Variants in SRGAP3 observed in about 807,000 individuals in gnomAD.
SRGAP3 encodes the protein SLIT-ROBO Rho GTPase activating protein 3.
Under a neutral mutation model 121.1 loss-of-function variants are expected in SRGAP3, and 39 were observed. The ratio of observed to expected loss-of-function variants is 0.32; its 90% CI spans 0.25 to 0.42. The LOEUF (loss-of-function observed/expected upper bound fraction) is 0.42. SRGAP3 is among the 10% of genes least tolerant of loss of function. SRGAP3 has a pLI of 1.00. For synonymous variants in SRGAP3, 601 were observed against 570.0 expected (o/e 1.05, Z -0.77); for missense variants, 1,213 against 1,470.6 (o/e 0.82, Z 2.86).
At chr3:9,075,393 G>A (rs973963938) in intron 4 of SRGAP3, among the ~76,000 whole-genome samples, 3 of 108,868 alleles carry the variant, frequency 2.8e-5, no homozygotes, top group Admixed American at 9.2e-5. Context: ...GTGTGTGTGC[G>A]CGCGCACATA....
At chr3:9,068,119 C>T (rs953496565) in intron 4 of SRGAP3, among the ~76,000 whole-genome samples, 7 of 152,174 alleles carry the variant, frequency 4.6e-5, no homozygotes, top group African/African-American at 1.7e-4. Flanking sequence ...CCATCCCCGT[C>T]TGCGTTCAAT....
chr3:9,213,018 G>A (rs375128946), intron 1 of SRGAP3, among the ~76,000 whole-genome samples: 2 of 152,262 alleles, frequency 1.3e-5, no homozygotes, highest in East Asian at 1.9e-4. Flanking sequence ...GCTCCATGCC[G>A]GGGCAAATTG....
intron 1 of SRGAP3, among the ~76,000 whole-genome samples, chr3:9,210,238 C>G (rs1466000415): frequency 2.0e-5 from 3 of 152,188 alleles, no homozygotes; most frequent in Non-Finnish European, 2.9e-5. Context: ...GTTAGCTGCA[C>G]AATTCTGAAT....
chr3:8,990,523 C>T lies in SRGAP3; in HGVS notation c.2875G>A (p.Ala959Thr), dbSNP rs760482265. Residue 959 changes from alanine to threonine, a missense_variant, in exon 21 of 22, where the codon GCC becomes ACC. Physicochemically the swap from Ala to Thr is moderately conservative, Grantham distance 58. Transcript: ENST00000383836. ...CCGCTGGCCCTTACTTCTGCCAGGG[C>T]CTCGGCCTCCAGGGACTTGTGGTCC... is the stretch of plus-strand genomic sequence containing the variant. ...LGDHKSLEAE[A>T]LAEDIEKTMS... is the part of the protein sequence containing the mutation. 1.3e-6 allele frequency: 2 copies of T among 1,556,924 alleles called. No individual in the cohort carries two copies. Among genetic ancestry groups the T allele is most frequent in the Non-Finnish European group, 1.7e-6 (2 of 1,150,412 alleles).
chr3:9,330,330 C>G (rs1426668790), intron 2 of SRGAP3, among the ~76,000 whole-genome samples: 4 of 152,132 alleles, frequency 2.6e-5, no homozygotes, highest in Non-Finnish European at 4.4e-5. Context: ...CAGTTAATTC[C>G]CAGATCAAAT....
chr3:9,283,541 T>C (rs1954717736), intron 3 of SRGAP3, among the ~76,000 whole-genome samples: 2 of 152,212 alleles, frequency 1.3e-5, no homozygotes, highest in African/African-American at 4.8e-5. Context: ...GCAGCAGATA[T>C]TCTAATTTTC....
chr3:9,142,993 A>C, intron 1 of SRGAP3, among the ~76,000 whole-genome samples: 1 of 151,198 alleles, frequency 6.6e-6, no homozygotes, highest in East Asian at 1.9e-4. Context: ...ATGCACCACC[A>C]CACCCGGCTA....
rs140209390 is a variant in SRGAP3, at chr3:9,021,246, C to T, written c.1678+4015G>A. Among the ~76,000 whole-genome samples the T allele has an allele frequency of 5.9e-5, 9 of 152,320 alleles. No individual in the cohort carries two copies. The East Asian group carries it at 9.7e-4, about 16-fold the overall frequency. On this transcript the variant is annotated intron_variant, in intron 14 of 21. Coordinates refer to ENST00000383836, the MANE Select transcript of SRGAP3 (RefSeq NM_014850.4). ...CCAAACCCTGCGTAGATATGCACAG[C>T]GGGAGAGAGCCATTGCCTCCTTGGC...
chr3:8,997,590 T>C (rs890945443), intron 18 of SRGAP3, among the ~76,000 whole-genome samples: 4 of 152,138 alleles, frequency 2.6e-5, no homozygotes, highest in African/African-American at 4.8e-5. Context: ...CTTCTCTGTC[T>C]CTCTCTCTCC....
chr3:9,338,739 C>G (rs865932536), intron 1 of SRGAP3, among the ~76,000 whole-genome samples: 57 of 152,132 alleles, frequency 3.7e-4, no homozygotes, highest in African/African-American at 1.4e-3. Context: ...AAAATAAGCC[C>G]TGGAAGGAGT....
At position 8,980,609 on chromosome 3, in the gene SRGAP3, G is replaced by A. The variant is rs1007311072; in HGVS notation, c.*4910C>T. ...GAGCATGTTTGAGAAAAGTTAAGCT[G>A]TTTTATTTCACAGGATAGCTCCACG... On this transcript the variant is annotated 3_prime_UTR_variant, in exon 22 of 22. Transcript: ENST00000383836. 4.4e-5 allele frequency: 10 copies of A among 226,000 alleles called. No homozygotes were observed. The highest frequency in any genetic ancestry group is 2.2e-4 in the African/African-American group (10 of 44,868). 14.0% of individuals were successfully genotyped at this position (226,000 alleles called of 1,614,324 possible).
chr3:9,009,243 T>C (rs1274194777), intron 18 of SRGAP3, among the ~76,000 whole-genome samples: 1 of 152,196 alleles, frequency 6.6e-6, no homozygotes, highest in African/African-American at 2.4e-5. Flanking sequence ...CCTGAATGCC[T>C]GCCCTGCTCT....
intron 2 of SRGAP3, among the ~76,000 whole-genome samples, chr3:9,122,480 C>A (rs2664120): frequency 0.53 from 80,432 of 151,682 alleles, 21,505 homozygotes; most frequent in Non-Finnish European, 0.57. Flanking sequence ...GAGGCCGAGG[C>A]GGGCGGATCA....
chr3:9,180,948 T>C (rs1167185316), intron 1 of SRGAP3, among the ~76,000 whole-genome samples: 2 of 152,116 alleles, frequency 1.3e-5, no homozygotes, highest in East Asian at 3.9e-4. Context: ...GCCCACTGGA[T>C]AGGAGAAACT....
chr3:9,135,551 C>A (rs1949613780), intron 1 of SRGAP3, among the ~76,000 whole-genome samples: 1 of 152,184 alleles, frequency 6.6e-6, no homozygotes, highest in African/African-American at 2.4e-5. Flanking sequence ...GCCACTCTCA[C>A]AGGGTTGATT....
chr3:9,056,453 G>A, intron 7 of SRGAP3, 119 bp from the exon 8 acceptor site: 1 of 1,067,364 alleles, frequency 9.4e-7, no homozygotes, highest in Non-Finnish European at 1.4e-6. Flanking sequence ...GCTCGGAAAG[G>A]TTGAGTGACC....
rs758954634 is a variant in SRGAP3 at position 9,274,378 on chromosome 3, C to G, written n.442+51632G>C. ...CAGGAGTGAATTCCACTCACTCAGA[C>G]CTGCTGGGCTTCACCCATCATGGGA... On this transcript the variant is annotated intron_variant and non_coding_transcript_variant, in intron 3 of 3. Coordinates refer to the SRGAP3 transcript ENST00000490889. Among the ~76,000 whole-genome samples the G allele has an allele frequency of 1.8e-4, 27 of 152,356 alleles. No homozygotes were observed. In the Middle Eastern group the frequency reaches 0.01, roughly 58 times the overall value.
intron 1 of SRGAP3, among the ~76,000 whole-genome samples, chr3:9,233,140 A>G (rs1414449980): frequency 6.6e-6 from 1 of 152,196 alleles, no homozygotes; most frequent in Non-Finnish European, 1.5e-5. Context: ...TGTGCTGGAA[A>G]TTCTGACTTA....
chr3:9,361,462 A>G (rs1223895282), intron 1 of SRGAP3, among the ~76,000 whole-genome samples: 3 of 152,138 alleles, frequency 2.0e-5, no homozygotes, highest in African/African-American at 7.2e-5. Context: ...AATTCGGTTT[A>G]TCTTTTTGTT....
Sources: gnomAD v4.1 joint callset for allele counts (sites outside exome capture counted in the v4.1 genomes callset) on GRCh38, gnomAD v4.1.1 for gene constraint, MANE v1.5 for transcripts, NCBI Gene and HGNC (gene_info 2026-07-23, HGNC 2026-07-21) for gene names.